Variants in KLHL3 observed in about 807,000 individuals in gnomAD.
The protein encoded by KLHL3 is kelch-like protein 3.
A neutral mutation model predicts 70.5 loss-of-function variants in KLHL3; 19 were observed. The observed-to-expected ratio is 0.27, with a 90% CI of 0.19 to 0.40. The LOEUF is 0.40. Ranked by LOEUF, KLHL3 falls within the 10% of genes least tolerant of loss-of-function variation. KLHL3 has a pLI of 1.00. For missense variants in KLHL3, 512 were observed against 771.1 expected (o/e 0.66, Z 3.98); for synonymous variants, 258 against 290.3 (o/e 0.89, Z 1.13).
At position 137,625,818 on chromosome 5, in the gene KLHL3, T is replaced by C. The variant is rs199469645; in HGVS notation, c.1670A>G (p.Tyr557Cys). 1.2e-5 allele frequency: 19 copies of C among 1,614,046 alleles called. No homozygotes were observed. The highest frequency in any genetic ancestry group is 1.6e-5 in the Non-Finnish European group (19 of 1,180,048). Residue 557 changes from tyrosine (Y) to cysteine (C), a missense_variant, in exon 14 of 15, where the codon TAC (tyrosine) becomes TGC (cysteine). Coordinates refer to ENST00000309755, the MANE Select transcript of KLHL3 (RefSeq NM_017415.3). ...CGTCCATTTGTCAGTGACAGGATTG[T>C]AGTACTCCACCGAAGCCAAGTTGCA... ...GSCNLASVEYYNPVTDKWTLL... is the reference protein window; with the variant it reads ...GSCNLASVEYCNPVTDKWTLL...
intron 1 of KLHL3, among the ~76,000 whole-genome samples, chr5:137,721,510 C>T (rs1309656080): frequency 1.3e-5 from 2 of 152,148 alleles, no homozygotes; most frequent in East Asian, 1.9e-4. Context: ...CGAACAACAG[C>T]GAAAGCTTTT....
chr5:137,652,195 T>A (rs11748699), intron 8 of KLHL3, among the ~76,000 whole-genome samples: 26,995 of 151,986 alleles, frequency 0.18, 3,113 homozygotes, highest in Non-Finnish European at 0.24. Context: ...AGAAAAAAAT[T>A]GAAAAATTAA....
chr5:137,640,019 T>C, intron 8 of KLHL3, 42 bp from the exon 9 acceptor site: 1 of 1,538,372 alleles, frequency 6.5e-7, no homozygotes, highest in Non-Finnish European at 9.0e-7. Flanking sequence ...CACCCCAAAA[T>C]CTGGATTTAT....
chr5:137,625,677 C>T (rs1296439791), intron 14 of KLHL3, 76 bp downstream of exon 14: 1 of 1,563,208 alleles, frequency 6.4e-7, no homozygotes, highest in Non-Finnish European at 8.8e-7. Flanking sequence ...CCCCTCATCC[C>T]ACTGGCCCAC....
chr5:137,662,006 A>G lies in KLHL3; in HGVS notation c.662T>C (p.Ile221Thr), dbSNP rs1580741197. The change falls in exon 7 of 15, where the codon ATC (isoleucine) becomes ACC (threonine). Residue 221 changes from isoleucine to threonine, a missense_variant. Ile to Thr is a moderately conservative substitution (Grantham distance 89, BLOSUM62 -1). Coordinates refer to ENST00000309755, the MANE Select transcript of KLHL3 (RefSeq NM_017415.3). The stretch of plus-strand genomic sequence containing the variant: ...TAAACGGGTTTCTTTCTCATAATTG[A>G]TCCATGAGATCACAGCTTCAAACAC... ...EKVFEAVISW[I>T]NYEKETRLEH... is the part of the protein sequence containing the mutation. The G allele has an allele frequency of 6.2e-7, 1 of 1,610,916 alleles. No homozygotes were observed. Among genetic ancestry groups the G allele is most frequent in the Non-Finnish European group, 8.5e-7 (1 of 1,177,492 alleles).
intron 1 of KLHL3, among the ~76,000 whole-genome samples, chr5:137,728,342 A>G (rs1753117787): frequency 6.6e-6 from 1 of 152,186 alleles, no homozygotes; most frequent in Non-Finnish European, 1.5e-5. Flanking sequence ...TCAATGAATG[A>G]TTACTGAGTA....
At chr5:137,723,744 G>C (rs1311815232) in intron 1 of KLHL3, among the ~76,000 whole-genome samples, 1 of 152,144 alleles carries the variant, frequency 6.6e-6, no homozygotes, top group Non-Finnish European at 1.5e-5. Context: ...CACTGGCTAG[G>C]ATGGCCACAC....
At chr5:137,714,388 A>G (rs1752855129) in intron 2 of KLHL3, among the ~76,000 whole-genome samples, 1 of 152,238 alleles carries the variant, frequency 6.6e-6, no homozygotes, top group Non-Finnish European at 1.5e-5. Flanking sequence ...ATGAATGTTC[A>G]TAGCAACATT....
intron 8 of KLHL3, among the ~76,000 whole-genome samples, chr5:137,652,832 AT>A (rs1751237544): frequency 2.0e-5 from 3 of 152,362 alleles, no homozygotes; most frequent in South Asian, 2.1e-4. Flanking sequence ...CCACAAAAAA[AT>A]AAGTATATGA....
chr5:137,658,315 C>A, intron 7 of KLHL3, 35 bp from the exon 8 acceptor site: 1 of 1,609,334 alleles, frequency 6.2e-7, no homozygotes, highest in African/African-American at 1.3e-5. Flanking sequence ...TCCTGGAGCA[C>A]AGCTCAGCCA....
At chr5:137,680,635 C>T (rs1358772732) in intron 5 of KLHL3, among the ~76,000 whole-genome samples, 8 of 151,814 alleles carry the variant, frequency 5.3e-5, no homozygotes, top group East Asian at 1.9e-4. Context: ...CTCTGCCTCC[C>T]GGGTTCAAGT....
chr5:137,647,028 G>A lies in KLHL3; in HGVS notation c.904-7051C>T, dbSNP rs138901226. Among the ~76,000 whole-genome samples the A allele has an allele frequency of 7.7e-3, 1,165 of 152,256 alleles. 9 individuals are homozygous for A. The highest frequency in any genetic ancestry group is 0.02 in the Middle Eastern group (6 of 294). On this transcript the variant is annotated intron_variant, in intron 8 of 14. Coordinates refer to ENST00000309755, the MANE Select transcript of KLHL3 (RefSeq NM_017415.3). ...GGCTGCAGAAGTTCTGGTGAATGGA[G>A]GTTCTCTGGTTGACAGAATATGAGT...
chr5:137,654,986 A>T (rs13172798), intron 8 of KLHL3, among the ~76,000 whole-genome samples: 53,792 of 151,950 alleles, frequency 0.35, 10,236 homozygotes, highest in East Asian at 0.53. Flanking sequence ...TGGGTATATG[A>T]GGTAAGAGCT....
intron 6 of KLHL3, among the ~76,000 whole-genome samples, chr5:137,663,192 G>T (rs1751529315): frequency 4.6e-5 from 7 of 151,710 alleles, no homozygotes; most frequent in Admixed American, 4.6e-4. Flanking sequence ...TAGTAGCTGG[G>T]ATTACAGGTG....
At chr5:137,659,378 G>A (rs1751418921) in intron 7 of KLHL3, among the ~76,000 whole-genome samples, 1 of 152,186 alleles carries the variant, frequency 6.6e-6, no homozygotes, top group Non-Finnish European at 1.5e-5. Flanking sequence ...ATGAAAGCAT[G>A]GCCAGGGCCA....
At chr5:137,676,022 C>T (rs2149906550) in intron 6 of KLHL3, among the ~76,000 whole-genome samples, 1 of 152,200 alleles carries the variant, frequency 6.6e-6, no homozygotes, top group African/African-American at 2.4e-5. Flanking sequence ...GAAGGAAGGG[C>T]ATCCTCTCAG....
At chr5:137,670,463 G>A (rs544205425) in intron 6 of KLHL3, among the ~76,000 whole-genome samples, 1 of 151,458 alleles carries the variant, frequency 6.6e-6, no homozygotes, top group African/African-American at 2.4e-5. Flanking sequence ...AAGGATACTA[G>A]ATGCAGGAGA....
intron 1 of KLHL3, among the ~76,000 whole-genome samples, chr5:137,723,569 C>A (rs1753037633): frequency 6.6e-6 from 1 of 152,102 alleles, no homozygotes; most frequent in Admixed American, 6.5e-5. Context: ...GTAGTTTTTG[C>A]AAATTCACCA....
At chr5:137,674,131 C>T (rs149084347) in intron 6 of KLHL3, among the ~76,000 whole-genome samples, 15 of 152,274 alleles carry the variant, frequency 9.9e-5, no homozygotes, top group Non-Finnish European at 1.9e-4. Flanking sequence ...TATATCATCC[C>T]ATTTAATCCT....
Sources: gnomAD v4.1 joint callset for allele counts (sites outside exome capture counted in the v4.1 genomes callset) on GRCh38, gnomAD v4.1.1 for gene constraint, MANE v1.5 for transcripts, NCBI Gene and HGNC (gene_info 2026-07-23, HGNC 2026-07-21) for gene names.